Variants in PRRC2C observed in about 807,000 individuals in gnomAD.
The protein encoded by PRRC2C is protein PRRC2C.
In PRRC2C, 72 loss-of-function variants were observed where a neutral mutation model predicts 317.2. The observed-to-expected ratio is 0.23, with a 90% CI of 0.19 to 0.28. The LOEUF (loss-of-function observed/expected upper bound fraction) is 0.28, where lower values mean the gene tolerates loss of function less well. Ranked by LOEUF, PRRC2C falls within the 10% of genes least tolerant of loss-of-function variation. The pLI is 1.00. For missense variants in PRRC2C, 3,074 were observed against 3,459.7 expected, an observed-to-expected ratio of 0.89 and a Z score of 2.80; for synonymous variants, 1,296 against 1,205.9, an observed-to-expected ratio of 1.07 and a Z score of -1.55.
chr1:171,530,286 C>G (rs1303987116), intron 11 of PRRC2C, among the ~76,000 whole-genome samples: 1 of 116,458 alleles, frequency 8.6e-6, no homozygotes, highest in Non-Finnish European at 1.6e-5. Context: ...GAGTCTTGCT[C>G]TGTTGCCGAG....
At chr1:171,566,209 A>C (rs889372629) in intron 20 of PRRC2C, 24 bp from the exon 21 acceptor site, 1 of 1,582,288 alleles carries the variant, frequency 6.3e-7, no homozygotes. Context: ...TTTGCAAGCA[A>C]GTTTTAAAAT....
chr1:171,528,586 C>T (rs547869014), intron 11 of PRRC2C, among the ~76,000 whole-genome samples: 12 of 152,212 alleles, frequency 7.9e-5, no homozygotes, highest in South Asian at 2.1e-4. Context: ...CCACCGCGCC[C>T]GGCCAATGAA....
chr1:171,525,217 C>T (rs564678473), intron 10 of PRRC2C, among the ~76,000 whole-genome samples: 1 of 152,124 alleles, frequency 6.6e-6, no homozygotes, highest in African/African-American at 2.4e-5. Flanking sequence ...TGATATAGCT[C>T]AATCATAGCA....
chr1:171,588,299 C>G, intron 32 of PRRC2C, 80 bp from the exon 33 acceptor site: 4 of 1,475,210 alleles, frequency 2.7e-6, no homozygotes, highest in Non-Finnish European at 3.7e-6. Context: ...GATGAAAATA[C>G]CAAGAACGGT....
chr1:171,540,996 G>C lies in PRRC2C; in HGVS notation c.3530G>C (p.Arg1177Thr). The change falls in exon 16 of 35, where the codon AGA (arginine) becomes ACA (threonine). Residue 1177 changes from arginine (R) to threonine (T), a missense_variant. This residue lies in a region of PRRC2C where 1,320 missense variants were observed against 1,395.7 expected (regional missense o/e 0.95). Transcript: ENST00000647382. ...CCCAGGACCTATTGGAAAGAAGCTA[G>C]AGAGAGAGATTGGTTTCCAGATCAA... ...LPPRTYWKEA[R>T]ERDWFPDQGY... is the part of the protein sequence containing the mutation. 1 of 1,613,588 alleles carries C rather than the reference G, an allele frequency of 6.2e-7. No individual in the cohort carries two copies. The highest frequency in any genetic ancestry group is 8.5e-7 in the Non-Finnish European group (1 of 1,179,762).
intron 5 of PRRC2C, among the ~76,000 whole-genome samples, chr1:171,516,223 C>T (rs1320909569): frequency 1.3e-5 from 2 of 152,174 alleles, no homozygotes; most frequent in African/African-American, 2.4e-5. Context: ...GGTGATTCCT[C>T]ACTTTCTGAG....
chr1:171,581,478 G>A (rs1376465727), intron 28 of PRRC2C, among the ~76,000 whole-genome samples: 1 of 152,148 alleles, frequency 6.6e-6, no homozygotes, highest in Non-Finnish European at 1.5e-5. Context: ...AATTGTCTTG[G>A]AAGATATACT....
At chr1:171,582,223 A>T (rs1366142540) in intron 28 of PRRC2C, among the ~76,000 whole-genome samples, 17 of 152,230 alleles carry the variant, frequency 1.1e-4, no homozygotes, top group Admixed American at 1.1e-3. Flanking sequence ...TTTTGTTCTG[A>T]ACTTTGTAGT....
chr1:171,523,343 A>C lies in PRRC2C; in HGVS notation c.956A>C (p.Glu319Ala). The change falls in exon 8 of 35, where the codon GAA (glutamate) becomes GCA (alanine). Residue 319 changes from glutamate (E) to alanine (A), a missense_variant. Glu to Ala is a moderately radical substitution (Grantham distance 107). This residue lies in a region of PRRC2C where 50 missense variants were observed against 88.3 expected (regional missense o/e 0.57). Transcript: ENST00000647382. ...KFDNLDAEAD[E>A]GWAGAQMEVD... ...GATAACCTAGATGCTGAAGCTGATGAAGGTTGGGCAGGTAAGAGGCAAAAT... is the reference window on the plus strand; with the variant it reads ...GATAACCTAGATGCTGAAGCTGATGCAGGTTGGGCAGGTAAGAGGCAAAAT... 6.2e-7 allele frequency: 1 copy of C among 1,613,980 alleles called. No homozygotes were observed. Among genetic ancestry groups the C allele is most frequent in the Non-Finnish European group, 8.5e-7 (1 of 1,179,880 alleles).
intron 1 of PRRC2C, among the ~76,000 whole-genome samples, chr1:171,506,003 C>CA (rs1384175323): frequency 6.6e-6 from 1 of 152,124 alleles, no homozygotes; most frequent in Non-Finnish European, 1.5e-5. Flanking sequence ...TAGACTATAC[C>CA]ATATAGCCTT....
At chr1:171,552,597 G>T (rs1680494319) in intron 18 of PRRC2C, among the ~76,000 whole-genome samples, 1 of 152,160 alleles carries the variant, frequency 6.6e-6, no homozygotes, top group Admixed American at 6.5e-5. Flanking sequence ...TTGGCTGTGG[G>T]TTTGTCATAA....
At chr1:171,527,880 T>G in intron 11 of PRRC2C, 36 bp downstream of exon 11, 1 of 1,515,070 alleles carries the variant, frequency 6.6e-7, no homozygotes, top group Non-Finnish European at 9.0e-7. Flanking sequence ...ATTATATATT[T>G]TATTTGACCT....
chr1:171,508,014 C>T (rs1163343437), intron 1 of PRRC2C, among the ~76,000 whole-genome samples: 2 of 152,176 alleles, frequency 1.3e-5, no homozygotes, highest in Non-Finnish European at 2.9e-5. Context: ...TGTTGCTTTA[C>T]TGAGTTCATT....
Position 171,541,157 on chromosome 1 carries a change from G to C in PRRC2C, c.3691G>C (p.Glu1231Gln). The change falls in exon 16 of 35, where the codon GAG becomes CAG. Residue 1231 changes from glutamate (E) to glutamine (Q), a missense_variant. By Grantham distance (29) the Glu-to-Gln change is conservative. Around this residue, in one of 11 missense-constraint regions of PRRC2C, gnomAD observed 1,320 missense variants for 1,395.7 expected, o/e 0.95. Transcript: ENST00000647382. This position sits in a 1 kb window ranked among gnomAD's most constrained non-coding sequence, Gnocchi z 4.1. ...PQYRDNKPRAEHIPSGPLRQR... is the reference protein window; with the variant it reads ...PQYRDNKPRAQHIPSGPLRQR... ...GTATAGAGACAATAAGCCAAGAGCAGAGCATATACCCTCAGGGCCTCTCAG... is the reference window on the plus strand; with the variant it reads ...GTATAGAGACAATAAGCCAAGAGCACAGCATATACCCTCAGGGCCTCTCAG... 1.2e-6 allele frequency: 2 copies of C among 1,613,582 alleles called. No homozygotes were observed. Among genetic ancestry groups the C allele is most frequent in the Non-Finnish European group, 1.7e-6 (2 of 1,179,782 alleles).
At chr1:171,524,559 A>G (rs1005332839) in intron 9 of PRRC2C, among the ~76,000 whole-genome samples, 1 of 152,216 alleles carries the variant, frequency 6.6e-6, no homozygotes, top group African/African-American at 2.4e-5. Context: ...TAGAGGAGAT[A>G]GGAAATGATG....
At chr1:171,590,728 A>C (rs1651232055) in intron 34 of PRRC2C, among the ~76,000 whole-genome samples, 1 of 152,192 alleles carries the variant, frequency 6.6e-6, no homozygotes, top group Non-Finnish European at 1.5e-5. Flanking sequence ...TGTTTGTTAT[A>C]ATTAGAAATA....
Position 171,584,490 on chromosome 1 carries a change from T to G in PRRC2C, c.7713T>G (p.Phe2571Leu), listed in dbSNP as rs1436386615. 1 of 1,594,038 alleles carries G rather than the reference T, an allele frequency of 6.3e-7. No homozygotes were observed. The highest frequency in any genetic ancestry group is 8.5e-7 in the Non-Finnish European group (1 of 1,169,624). The change falls in exon 30 of 35, where the codon TTT (phenylalanine) becomes TTG (leucine). Residue 2571 changes from phenylalanine to leucine, a missense_variant. By Grantham distance (22) the Phe-to-Leu change is conservative. Transcript: ENST00000647382. ...GQVQQPGQTNFYNTAQSPSAL... is the reference protein window; with the variant it reads ...GQVQQPGQTNLYNTAQSPSAL... ...TACAACAGCCTGGTCAGACAAATTT[T>G]TATAACACTGCCCAGTCACCAAGTG...
intron 1 of PRRC2C, among the ~76,000 whole-genome samples, chr1:171,487,820 CAATA>C (rs1156751605): frequency 6.6e-6 from 1 of 152,060 alleles, no homozygotes; most frequent in Non-Finnish European, 1.5e-5. Context: ...CTCTTCCAAG[CAATA>C]AATAATCTGT....
intron 11 of PRRC2C, among the ~76,000 whole-genome samples, chr1:171,531,591 A>G (rs1675895861): frequency 1.3e-5 from 2 of 152,360 alleles, no homozygotes; most frequent in South Asian, 4.1e-4. Context: ...AGCTTTTAAA[A>G]TCAATATGTT....
Sources: allele counts gnomAD v4.1 joint callset (sites outside exome capture counted in the v4.1 genomes callset), GRCh38; gene constraint gnomAD v4.1.1; regional missense constraint gnomAD v4.1.1; non-coding constraint Gnocchi (gnomAD v3.1); transcripts MANE v1.5; gene names NCBI Gene and HGNC (gene_info 2026-07-23, HGNC 2026-07-21).